The following TSPAN5 variants were observed in gnomAD, a reference collection of about 807,000 sequenced individuals.
The protein encoded by TSPAN5 is tetraspanin 5.
In TSPAN5, 10 loss-of-function variants were observed where a neutral mutation model predicts 37.1. The ratio of observed to expected loss-of-function variants is 0.27; its 90% CI spans 0.17 to 0.46. The LOEUF (loss-of-function observed/expected upper bound fraction) is 0.46. Ranked by LOEUF, TSPAN5 falls within the 20% of genes least tolerant of loss-of-function variation. The pLI, the probability that TSPAN5 is intolerant of heterozygous loss-of-function variation, is 1.00. For synonymous variants in TSPAN5, 110 were observed against 118.9 expected (o/e 0.93, Z 0.48); for missense variants, 195 against 326.6 (o/e 0.60, Z 3.11).
chr4:98,598,340 A>G (rs1755800661), intron 1 of TSPAN5, among the ~76,000 whole-genome samples: 1 of 144,918 alleles, frequency 6.9e-6, no homozygotes, highest in South Asian at 2.3e-4. Flanking sequence ...ACTGTCTGGC[A>G]CTCCCTAGTG....
In TSPAN5 at chr4:98,533,751, C is replaced by T. The variant is rs992168089; in HGVS notation, c.82-26023G>A. ...ATTTTTAGTAGAGACAGGGTTTCAC[C>T]ATGTTAGCCAGGATGGTCTCGATCG... On this transcript the variant is annotated intron_variant, in intron 1 of 7. Transcript: ENST00000305798. Among the ~76,000 whole-genome samples the T allele has an allele frequency of 2.7e-5, 4 of 148,618 alleles. No homozygotes were observed. The South Asian group carries it at 8.7e-4, about 32-fold the overall frequency.
At chr4:98,555,274 T>C (rs1754715734) in intron 1 of TSPAN5, among the ~76,000 whole-genome samples, 1 of 152,106 alleles carries the variant, frequency 6.6e-6, no homozygotes. Context: ...CATACCACTC[T>C]CTCCAGTCAC....
intron 1 of TSPAN5, among the ~76,000 whole-genome samples, chr4:98,515,303 G>A (rs1355664931): frequency 2.6e-5 from 4 of 152,168 alleles, no homozygotes; most frequent in African/African-American, 9.7e-5. Context: ...CCTCAGAACT[G>A]CACAAAGCAA....
chr4:98,482,587 C>T (rs1163365913), intron 3 of TSPAN5: 1 of 161,612 alleles, frequency 6.2e-6, no homozygotes, highest in Non-Finnish European at 1.3e-5. Flanking sequence ...TTTAAGATCG[C>T]CTGTCACTTG....
chr4:98,568,964 G>T (rs1008823297), intron 1 of TSPAN5, among the ~76,000 whole-genome samples: 1 of 152,222 alleles, frequency 6.6e-6, no homozygotes, highest in African/African-American at 2.4e-5. Flanking sequence ...CTGAGCCTTG[G>T]AGGGTCAGGA....
intron 1 of TSPAN5, among the ~76,000 whole-genome samples, chr4:98,619,415 T>C (rs182357988): frequency 6.6e-6 from 1 of 152,340 alleles, no homozygotes; most frequent in East Asian, 1.9e-4. Flanking sequence ...TATTTGCTGT[T>C]GATCATGCTT....
chr4:98,528,413 G>GTT (rs1754009656), intron 1 of TSPAN5, among the ~76,000 whole-genome samples: 1 of 76,482 alleles, frequency 1.3e-5, no homozygotes, highest in African/African-American at 7.9e-5. Context: ...TGTAACAGAT[G>GTT]ATTTTTTTTT....
intron 1 of TSPAN5, among the ~76,000 whole-genome samples, chr4:98,622,410 A>C (rs1756500789): frequency 6.6e-6 from 1 of 152,168 alleles, no homozygotes; most frequent in Non-Finnish European, 1.5e-5. Context: ...ACCTGTTTTC[A>C]ATTCTTTTGG....
chr4:98,551,926 C>G (rs965236881), intron 1 of TSPAN5, among the ~76,000 whole-genome samples: 2 of 152,094 alleles, frequency 1.3e-5, no homozygotes, highest in Non-Finnish European at 2.9e-5. Flanking sequence ...TCTATTTCTT[C>G]AATCTCAGGA....
At chr4:98,635,364 G>A (rs1200214994) in intron 1 of TSPAN5, among the ~76,000 whole-genome samples, 1 of 152,166 alleles carries the variant, frequency 6.6e-6, no homozygotes, top group East Asian at 1.9e-4. Flanking sequence ...GCCTGGGCCT[G>A]ATAGTACACC....
intron 2 of TSPAN5, among the ~76,000 whole-genome samples, chr4:98,487,153 G>C (rs1340225484): frequency 2.0e-5 from 3 of 150,904 alleles, no homozygotes; most frequent in Non-Finnish European, 3.0e-5. Context: ...AGGGAGGGAG[G>C]GGGGGATGGA....
At chr4:98,537,352 C>T (rs1165794231) in intron 1 of TSPAN5, among the ~76,000 whole-genome samples, 1 of 152,088 alleles carries the variant, frequency 6.6e-6, no homozygotes, top group Non-Finnish European at 1.5e-5. Flanking sequence ...TGAGATGAAC[C>T]GGGCACCTCA....
At chr4:98,484,397 A>G (rs1287041165) in intron 3 of TSPAN5, 1 of 455,446 alleles carries the variant, frequency 2.2e-6, no homozygotes, top group Admixed American at 2.4e-5. Context: ...CTTATCTCAT[A>G]CCTTCTGTTC....
chr4:98,479,615 A>C (rs2110257105), intron 4 of TSPAN5, among the ~76,000 whole-genome samples: 1 of 152,260 alleles, frequency 6.6e-6, no homozygotes, highest in Non-Finnish European at 1.5e-5. Flanking sequence ...CAGGGCTATA[A>C]ATGCCCTCAT....
rs183138801 is a variant in TSPAN5, at chr4:98,620,231, C to T, written c.81+37915G>A. The stretch of plus-strand genomic sequence containing the variant: ...TTTAGCTCACTCTTGGAACCCTGAG[C>T]TACCCTGTGAGAAGTCTGACCACCC... On this transcript the variant is annotated intron_variant, in intron 1 of 7. Coordinates refer to ENST00000305798, the MANE Select transcript of TSPAN5 (RefSeq NM_005723.4). Among the ~76,000 whole-genome samples, 50 of 152,290 alleles carry T rather than the reference C, an allele frequency of 3.3e-4. 1 individual carries two copies. In the East Asian group the frequency reaches 9.5e-3, roughly 29 times the overall value.
chr4:98,470,454 A>T lies in TSPAN5; in HGVS notation c.*2068T>A, dbSNP rs895595644. On this transcript the variant is annotated 3_prime_UTR_variant, in exon 8 of 8. Coordinates refer to ENST00000305798, the MANE Select transcript of TSPAN5 (RefSeq NM_005723.4). ...AAAGGGTGATTAATTAATATTTAAAACTCACTCGGACTTGCTGTTTGGCCT... is the reference window on the plus strand; with the variant it reads ...AAAGGGTGATTAATTAATATTTAAATCTCACTCGGACTTGCTGTTTGGCCT... 2 of 152,214 alleles carry T rather than the reference A, an allele frequency of 1.3e-5. No individual in the cohort carries two copies. The highest frequency in any genetic ancestry group is 1.3e-4 in the Admixed American group (2 of 15,284). 9.4% of individuals were successfully genotyped at this position (152,214 alleles called of 1,614,324 possible).
intron 1 of TSPAN5, among the ~76,000 whole-genome samples, chr4:98,518,191 C>T (rs1036036570): frequency 2.6e-5 from 4 of 151,692 alleles, no homozygotes; most frequent in Admixed American, 1.3e-4. Context: ...CCACACCACA[C>T]CCAGTCTATC....
chr4:98,646,686 T>A (rs1757076097), intron 1 of TSPAN5, among the ~76,000 whole-genome samples: 1 of 152,188 alleles, frequency 6.6e-6, no homozygotes, highest in South Asian at 2.1e-4. Flanking sequence ...ACTGTGAACA[T>A]TTGTTAGATC....
At chr4:98,487,399 C>A (rs947818058) in intron 2 of TSPAN5, among the ~76,000 whole-genome samples, 2 of 152,088 alleles carry the variant, frequency 1.3e-5, no homozygotes, top group East Asian at 1.9e-4. Context: ...ACACACACAC[C>A]CCCTGACCCC....
Sources: allele counts gnomAD v4.1 joint callset (sites outside exome capture counted in the v4.1 genomes callset), GRCh38; gene constraint gnomAD v4.1.1; transcripts MANE v1.5; gene names NCBI Gene and HGNC (gene_info 2026-07-23, HGNC 2026-07-21).